Variants in SPOCK1 observed in about 807,000 individuals in gnomAD.
SPOCK1 encodes the protein testican-1.
A neutral mutation model predicts 55.3 loss-of-function variants in SPOCK1; 23 were observed. The ratio of observed to expected loss-of-function variants is 0.42; its 90% CI spans 0.30 to 0.59. The LOEUF (loss-of-function observed/expected upper bound fraction) is 0.59, where lower values mean the gene tolerates loss of function less well. Ranked by LOEUF, SPOCK1 falls within the 20% of genes least tolerant of loss-of-function variation. The pLI, the probability that SPOCK1 is intolerant of heterozygous loss-of-function variation, is 0.22. For synonymous variants in SPOCK1, 226 were observed against 221.0 expected (o/e 1.02, Z -0.20); for missense variants, 499 against 552.5 (o/e 0.90, Z 0.97).
chr5:137,223,379 C>T (rs981846948), intron 3 of SPOCK1, among the ~76,000 whole-genome samples: 4 of 151,718 alleles, frequency 2.6e-5, no homozygotes, highest in Middle Eastern at 3.2e-3. Flanking sequence ...CTGTTCTCTA[C>T]GTATTAAAAA....
chr5:137,468,670 G>C (rs147739209), intron 2 of SPOCK1, among the ~76,000 whole-genome samples: 37 of 152,154 alleles, frequency 2.4e-4, no homozygotes, highest in Non-Finnish European at 4.4e-4. Flanking sequence ...TTGGGGGGCC[G>C]GTAACACGTT....
At chr5:137,083,100 T>G (rs111929434) in intron 5 of SPOCK1, among the ~76,000 whole-genome samples, 2,018 of 152,324 alleles carry the variant, frequency 0.013, 53 homozygotes, top group Middle Eastern at 0.048. Context: ...TGGTGCCTGT[T>G]GCAATATGTG....
chr5:137,443,786 TTCTC>T (rs1260863018), intron 2 of SPOCK1, among the ~76,000 whole-genome samples: 1 of 152,182 alleles, frequency 6.6e-6, no homozygotes, highest in Non-Finnish European at 1.5e-5. Context: ...GCTCAGGCCT[TTCTC>T]TCTAAGCTGG....
At position 137,390,595 on chromosome 5, in the gene SPOCK1, T is replaced by C. The variant is rs537581221; in HGVS notation, c.186+107778A>G. ...CACACAGTGGTTCTCCTGGTGAGCATACAAAGAGATTGAGAGAAACACCAG... is the reference window on the plus strand; with the variant it reads ...CACACAGTGGTTCTCCTGGTGAGCACACAAAGAGATTGAGAGAAACACCAG... On this transcript the variant is annotated intron_variant, in intron 2 of 10. Coordinates refer to ENST00000394945, the MANE Select transcript of SPOCK1 (RefSeq NM_004598.4). 5.3e-5 allele frequency among the ~76,000 whole-genome samples: 8 copies of C among 152,306 alleles called. No homozygotes were observed. The South Asian group carries it at 1.7e-3, about 32-fold the overall frequency.
intron 2 of SPOCK1, among the ~76,000 whole-genome samples, chr5:137,408,284 A>G (rs1227585538): frequency 6.6e-6 from 1 of 152,138 alleles, no homozygotes; most frequent in Non-Finnish European, 1.5e-5. Flanking sequence ...CAACCCCACC[A>G]TGGATGGTGA....
At chr5:137,471,778 T>C (rs1177457952) in intron 2 of SPOCK1, among the ~76,000 whole-genome samples, 1 of 151,828 alleles carries the variant, frequency 6.6e-6, no homozygotes. Flanking sequence ...AAAAGGAGCA[T>C]CTCCCAAGAG....
At chr5:137,246,377 G>A (rs2127103351) in intron 3 of SPOCK1, among the ~76,000 whole-genome samples, 1 of 152,262 alleles carries the variant, frequency 6.6e-6, no homozygotes, top group Non-Finnish European at 1.5e-5. Context: ...ATTAGGATAT[G>A]ACATTTCCTT....
intron 2 of SPOCK1, among the ~76,000 whole-genome samples, chr5:137,368,661 G>A (rs1171928912): frequency 2.6e-5 from 4 of 152,024 alleles, no homozygotes; most frequent in Non-Finnish European, 4.4e-5. Context: ...GTCATTATGC[G>A]GCCCTTCCTC....
intron 3 of SPOCK1, among the ~76,000 whole-genome samples, chr5:137,194,429 T>C (rs1755258080): frequency 6.6e-6 from 1 of 152,180 alleles, no homozygotes; most frequent in African/African-American, 2.4e-5. Flanking sequence ...ATGCAGCCTG[T>C]TAGCTGAACT....
At chr5:137,267,610 C>A (rs1258691644) in intron 2 of SPOCK1, among the ~76,000 whole-genome samples, 1 of 152,204 alleles carries the variant, frequency 6.6e-6, no homozygotes. Flanking sequence ...GATGAAAAAA[C>A]AAAGGCTGGC....
intron 3 of SPOCK1, among the ~76,000 whole-genome samples, chr5:137,161,141 T>C (rs1422196625): frequency 1.4e-5 from 2 of 147,968 alleles, no homozygotes; most frequent in African/African-American, 2.5e-5. Flanking sequence ...CTAGAGTATA[T>C]ATATCTCTAA....
intron 3 of SPOCK1, among the ~76,000 whole-genome samples, chr5:137,231,836 G>A (rs1756070698): frequency 6.6e-6 from 1 of 152,236 alleles, no homozygotes. Context: ...GAACACAGGA[G>A]TTATTCAGTT....
intron 2 of SPOCK1, among the ~76,000 whole-genome samples, chr5:137,366,266 T>C (rs913221590): frequency 6.6e-6 from 1 of 152,112 alleles, no homozygotes; most frequent in African/African-American, 2.4e-5. Context: ...AATTTTGATG[T>C]TTTCAAAATA....
Position 137,094,855 on chromosome 5 carries a change from G to A in SPOCK1, c.474+17580C>T, listed in dbSNP as rs577072142. Among the ~76,000 whole-genome samples the A allele has an allele frequency of 2.6e-5, 4 of 152,342 alleles. No homozygotes were observed. In the South Asian group the frequency reaches 8.3e-4, roughly 32 times the overall value. ...ACTTACAACTTGGCTTGGCACAAGAGGCCTGGCTTTGGCCTATCTCATCTT... is the reference window on the plus strand; with the variant it reads ...ACTTACAACTTGGCTTGGCACAAGAAGCCTGGCTTTGGCCTATCTCATCTT... On this transcript the variant is annotated intron_variant, in intron 5 of 10. Coordinates refer to ENST00000394945, the MANE Select transcript of SPOCK1 (RefSeq NM_004598.4).
chr5:137,226,387 G>C (rs1017860565), intron 3 of SPOCK1, among the ~76,000 whole-genome samples: 9 of 152,192 alleles, frequency 5.9e-5, no homozygotes, highest in African/African-American at 1.4e-4. Flanking sequence ...CTTGCCCCGA[G>C]GGGTGAAGCA....
chr5:137,309,762 A>G (rs1158385355), intron 2 of SPOCK1, among the ~76,000 whole-genome samples: 2 of 152,062 alleles, frequency 1.3e-5, no homozygotes, highest in Non-Finnish European at 2.9e-5. Context: ...GACTTATCAC[A>G]TAGAATGATC....
At chr5:137,227,160 T>C (rs886768092) in intron 3 of SPOCK1, among the ~76,000 whole-genome samples, 13 of 152,210 alleles carry the variant, frequency 8.5e-5, no homozygotes, top group Non-Finnish European at 1.6e-4. Flanking sequence ...AGGACCTTTC[T>C]GTCTTTTGTG....
intron 3 of SPOCK1, among the ~76,000 whole-genome samples, chr5:137,199,836 T>G (rs1306801686): frequency 6.6e-6 from 1 of 152,128 alleles, no homozygotes; most frequent in Non-Finnish European, 1.5e-5. Flanking sequence ...TTCAGACCAC[T>G]AGACTCAACC....
At chr5:137,063,019 G>A (rs570183176) in intron 6 of SPOCK1, among the ~76,000 whole-genome samples, 1 of 149,528 alleles carries the variant, frequency 6.7e-6, no homozygotes, top group South Asian at 2.2e-4. Flanking sequence ...TGGATCATGA[G>A]GTCAGGAGAT....
Sources: gnomAD v4.1 joint callset for allele counts (sites outside exome capture counted in the v4.1 genomes callset) on GRCh38, gnomAD v4.1.1 for gene constraint, MANE v1.5 for transcripts, NCBI Gene and HGNC (gene_info 2026-07-23, HGNC 2026-07-21) for gene names.